Variants in COL7A1 observed in about 807,000 individuals in gnomAD.
COL7A1 encodes collagen type VII alpha 1 chain, also known as collagen alpha-1(VII) chain.
In COL7A1, 296 loss-of-function variants were observed where a neutral mutation model predicts 456.2. That is an observed-to-expected ratio of 0.65 (90% confidence interval 0.59 to 0.71). The LOEUF (loss-of-function observed/expected upper bound fraction) is 0.71, where lower values mean the gene tolerates loss of function less well. COL7A1 is among the 30% of genes least tolerant of loss of function. The pLI is 0.00. For missense variants in COL7A1, 3,441 were observed against 4,017.2 expected, an observed-to-expected ratio of 0.86 and a Z score of 3.88; for synonymous variants, 1,464 against 1,525.9, an observed-to-expected ratio of 0.96 and a Z score of 0.95.
At position 48,568,858 on chromosome 3, in the gene COL7A1, G is replaced by A. The variant is rs903233558; in HGVS notation, c.7687-3C>T. 2 of 1,572,784 alleles carry A rather than the reference G, an allele frequency of 1.3e-6. No homozygotes were observed. The highest frequency in any genetic ancestry group is 1.7e-6 in the Non-Finnish European group (2 of 1,157,678). The stretch of plus-strand genomic sequence containing the variant: ...TCACCAGGCTCTCCCTTGCTGCCCT[G>A]TGGGAGTGACCAGGAGAGGGATTCA... On this transcript the variant is annotated splice_region_variant and splice_polypyrimidine_tract_variant and intron_variant, in intron 103 of 118. Coordinates refer to ENST00000681320, the MANE Select transcript of COL7A1 (RefSeq NM_000094.4). This position sits in a 1 kb window ranked among gnomAD's most constrained non-coding sequence, Gnocchi z 5.2.
In COL7A1 at chr3:48,592,950, G is replaced by T. The variant is rs1170023029; in HGVS notation, c.683-12C>A. 6.2e-7 allele frequency: 1 copy of T among 1,613,336 alleles called. No homozygotes were observed. Among genetic ancestry groups the T allele is most frequent in the Non-Finnish European group, 8.5e-7 (1 of 1,179,904 alleles). On this transcript the variant is annotated splice_polypyrimidine_tract_variant and intron_variant, in intron 6 of 118. Transcript: ENST00000681320. This position sits in a 1 kb window ranked among gnomAD's most constrained non-coding sequence, Gnocchi z 7.6. ...GGTCGAGTCATCCGCTGGGAATGCG[G>T]GATCAGGGGATCAGGCAGGAGGATT...
At position 48,592,623 on chromosome 3, in the gene COL7A1, A is replaced by G. The variant is rs145738101; in HGVS notation, c.923T>C (p.Ile308Thr). The G allele has an allele frequency of 2.6e-4, 419 of 1,613,892 alleles. No homozygotes were observed. The highest frequency in any genetic ancestry group is 3.3e-4 in the Non-Finnish European group (394 of 1,180,034). ...CCCGATGCTGTTGGCGTAGAGGGCA[A>G]TCACAGTCACTTGGTACTCGGTCAG... Reference protein sequence around the residue: ...RPLTEYQVTVIALYANSIGEA... With the variant: ...RPLTEYQVTVTALYANSIGEA... Residue 308 changes from isoleucine to threonine, a missense_variant, in exon 8 of 119, where the codon ATT (isoleucine) becomes ACT (threonine). Around this residue, in one of 3 missense-constraint regions of COL7A1, gnomAD observed 913 missense variants for 1,088.2 expected, o/e 0.84. Transcript: ENST00000681320. The surrounding 1 kb of genome is among the most constrained non-coding windows in gnomAD (Gnocchi z 7.6).
chr3:48,588,147 C>T lies in COL7A1; in HGVS notation c.2710+135G>A. The T allele has an allele frequency of 7.0e-7, 1 of 1,432,062 alleles. No homozygotes were observed. Among genetic ancestry groups the T allele is most frequent in the Non-Finnish European group, 9.6e-7 (1 of 1,045,502 alleles). The allele number at this position is 1,432,062 out of a possible 1,614,324, so 88.7% of individuals were successfully genotyped here. A position where few individuals can be genotyped will look rare whatever the true frequency, so the allele number is the denominator to read the frequency against. ...GATCCCACCCACTTCATTGATTGAT[C>T]TTACCTACTGTCACGGATCCCGCAG... On this transcript the variant is annotated intron_variant, in intron 21 of 118. Transcript: ENST00000681320. This position sits in a 1 kb window ranked among gnomAD's most constrained non-coding sequence, Gnocchi z 4.6.
Position 48,568,702 on chromosome 3 carries a change from C to T in COL7A1, c.7758+82G>A. On this transcript the variant is annotated intron_variant, in intron 104 of 118. Transcript: ENST00000681320. The surrounding 1 kb of genome is among the most constrained non-coding windows in gnomAD (Gnocchi z 5.2). ...AGCAAGGGAGCCAGAACCCCCAGCA[C>T]TTAAGAGGACCCCCAGGATATGTGT... 6.6e-7 allele frequency: 1 copy of T among 1,509,088 alleles called. No individual in the cohort carries two copies. The highest frequency in any genetic ancestry group is 9.0e-7 in the Non-Finnish European group (1 of 1,110,038). 93.5% of individuals were successfully genotyped at this position (1,509,088 alleles called of 1,614,324 possible). A position where few individuals can be genotyped will look rare whatever the true frequency, so the allele number is the denominator to read the frequency against.
Position 48,564,184 on chromosome 3 carries a change from C to T in COL7A1, c.*222G>A. 1 of 619,886 alleles carries T rather than the reference C, an allele frequency of 1.6e-6. No homozygotes were observed. Among genetic ancestry groups the T allele is most frequent in the South Asian group, 1.8e-5 (1 of 56,418 alleles). The allele number at this position is 619,886 out of a possible 1,614,324, so 38.4% of individuals were successfully genotyped here. ...CACATCCGCTCACTGCCCACAGCCA[C>T]CCCCCCACAGTGAGTCATCTGCCAG... On this transcript the variant is annotated 3_prime_UTR_variant, in exon 119 of 119. Transcript: ENST00000681320. This position sits in a 1 kb window ranked among gnomAD's most constrained non-coding sequence, Gnocchi z 6.0.
rs376929936 is a variant in COL7A1 at position 48,565,609 on chromosome 3, A to C, written c.8440+27T>G. 1.4e-4 allele frequency: 234 copies of C among 1,613,976 alleles called. No homozygotes were observed. The highest frequency in any genetic ancestry group is 1.9e-4 in the Non-Finnish European group (226 of 1,180,010). ...GGCAGGGCAGGGCCTGGGGTGAAGAAAGTTCTGGGAGTAGAAAACTACTCA... is the reference window on the plus strand; with the variant it reads ...GGCAGGGCAGGGCCTGGGGTGAAGACAGTTCTGGGAGTAGAAAACTACTCA... On this transcript the variant is annotated intron_variant, in intron 115 of 118. Coordinates refer to ENST00000681320, the MANE Select transcript of COL7A1 (RefSeq NM_000094.4). The surrounding 1 kb of genome is among the most constrained non-coding windows in gnomAD (Gnocchi z 4.5).
Position 48,564,604 on chromosome 3 carries a change from C to T in COL7A1, c.8818+179G>A. ...ATGGAAGGGGACCCTACTGGGGGCT[C>T]CACGGCTGGGGCTCTATATTCAGCT... On this transcript the variant is annotated intron_variant, in intron 118 of 118. Coordinates refer to ENST00000681320, the MANE Select transcript of COL7A1 (RefSeq NM_000094.4). The surrounding 1 kb of genome is among the most constrained non-coding windows in gnomAD (Gnocchi z 6.0). 1 of 1,024,914 alleles carries T rather than the reference C, an allele frequency of 9.8e-7. No homozygotes were observed. The highest frequency in any genetic ancestry group is 1.5e-6 in the Non-Finnish European group (1 of 686,856). 63.5% of individuals were successfully genotyped at this position (1,024,914 alleles called of 1,614,324 possible). A position where few individuals can be genotyped will look rare whatever the true frequency, so the allele number is the denominator to read the frequency against.
At chr3:48,582,427 A>G in intron 46 of COL7A1, 51 bp downstream of exon 46, 1 of 1,614,106 alleles carries the variant, frequency 6.2e-7, no homozygotes, top group Non-Finnish European at 8.5e-7. Flanking sequence ...CCAGTGTCCC[A>G]TCTGCCACAT....
chr3:48,579,770 C>T lies in COL7A1; in HGVS notation c.5154+15G>A, dbSNP rs1161374808. 2 of 1,614,074 alleles carry T rather than the reference C, an allele frequency of 1.2e-6. No individual in the cohort carries two copies. The highest frequency in any genetic ancestry group is 1.7e-6 in the Non-Finnish European group (2 of 1,180,030). On this transcript the variant is annotated intron_variant, in intron 58 of 118. Coordinates refer to ENST00000681320, the MANE Select transcript of COL7A1 (RefSeq NM_000094.4). This position sits in a 1 kb window ranked among gnomAD's most constrained non-coding sequence, Gnocchi z 4.4. ...ACTGGGGTCTTTCTTACCCTCCACC[C>T]ACAGACCCTAATACCTTCTCTCTGG...
chr3:48,593,681 C>T lies in COL7A1; in HGVS notation c.282G>A (p.Leu94=), dbSNP rs778958806. 1.9e-6 allele frequency: 3 copies of T among 1,614,222 alleles called. No homozygotes were observed. Among genetic ancestry groups the T allele is most frequent in the South Asian group, 2.2e-5 (2 of 91,088 alleles). Residue 94 remains leucine (L), a synonymous_variant, in exon 4 of 119, where the codon CTG becomes CTA. Transcript: ENST00000681320. This position sits in a 1 kb window ranked among gnomAD's most constrained non-coding sequence, Gnocchi z 4.4. ...YSDDPRTEFG[L]DALGSGGDVI... is the part of the protein sequence containing the mutation. ...CATCACCCCCAGAGCCAAGTGCATCCAGGCCGAACTCTGTCCTGTTGGAGG... is the reference window on the plus strand; with the variant it reads ...CATCACCCCCAGAGCCAAGTGCATCTAGGCCGAACTCTGTCCTGTTGGAGG...
Position 48,582,905 on chromosome 3 carries a change from T to C in COL7A1, c.4518+108A>G, listed in dbSNP as rs115003244. 6.0e-4 allele frequency: 912 copies of C among 1,514,906 alleles called. 4 individuals are homozygous for C. In the African/African-American group the frequency reaches 0.011, roughly 19 times the overall value. 93.8% of individuals were successfully genotyped at this position (1,514,906 alleles called of 1,614,324 possible). ...CTGTATCAGCAGGGATAAGTGGTCA[T>C]TGAGGAGGGGTGAGGAGCAGGGGTA... On this transcript the variant is annotated intron_variant, in intron 44 of 118. Coordinates refer to ENST00000681320, the MANE Select transcript of COL7A1 (RefSeq NM_000094.4).
chr3:48,570,267 ATACG>A lies in COL7A1; in HGVS notation c.7440+4_7440+7del. 1 of 1,613,418 alleles carries A rather than the reference ATACG, an allele frequency of 6.2e-7. No individual in the cohort carries two copies. The highest frequency in any genetic ancestry group is 8.5e-7 in the Non-Finnish European group (1 of 1,179,810). On this transcript the variant is annotated splice_donor_5th_base_variant and intron_variant, in intron 98 of 118. Coordinates refer to ENST00000681320, the MANE Select transcript of COL7A1 (RefSeq NM_000094.4). The surrounding 1 kb of genome is among the most constrained non-coding windows in gnomAD (Gnocchi z 5.5). ...AGGGAGTTCGGCTGTGGAGTAAGACATACGTACCCGGATGCCTGGCTCCCCACGC... is the reference window on the plus strand; with the variant it reads ...AGGGAGTTCGGCTGTGGAGTAAGACATACCCGGATGCCTGGCTCCCCACGC...
Position 48,575,925 on chromosome 3 carries a change from G to A in COL7A1, c.5821-23C>T. On this transcript the variant is annotated intron_variant, in intron 71 of 118. Transcript: ENST00000681320. The surrounding 1 kb of genome is among the most constrained non-coding windows in gnomAD (Gnocchi z 6.3). ...ATTCTGGGGACAAAGTCTGGGTGAAGGGCTGCCCATGACAGAGAAGCTCCT... is the reference window on the plus strand; with the variant it reads ...ATTCTGGGGACAAAGTCTGGGTGAAAGGCTGCCCATGACAGAGAAGCTCCT... 1 of 1,614,152 alleles carries A rather than the reference G, an allele frequency of 6.2e-7. No homozygotes were observed.
In COL7A1 at chr3:48,590,464, C is replaced by T. The variant is rs749222993; in HGVS notation, c.1901G>A (p.Gly634Asp). The change falls in exon 15 of 119, where the codon GGC (glycine) becomes GAC (aspartate). Residue 634 changes from glycine (G) to aspartate (D), a missense_variant. Physicochemically the swap from Gly to Asp is moderately conservative, Grantham distance 94. Around this residue, in one of 3 missense-constraint regions of COL7A1, gnomAD observed 913 missense variants for 1,088.2 expected, o/e 0.84. Transcript: ENST00000681320. This position sits in a 1 kb window ranked among gnomAD's most constrained non-coding sequence, Gnocchi z 4.6. The part of the protein sequence containing the change: ...ASGFRISWST[G>D]SGPESSQTLP... ...CCCACACACCCCACACTGACCACTG[C>T]CTGTGCTCCAGCTAATCCGAAATCC... The T allele has an allele frequency of 6.2e-7, 1 of 1,614,168 alleles. No individual in the cohort carries two copies. The highest frequency in any genetic ancestry group is 8.5e-7 in the Non-Finnish European group (1 of 1,180,030).
chr3:48,574,511 G>A lies in COL7A1; in HGVS notation c.6433C>T (p.Pro2145Ser), dbSNP rs761983104. The A allele has an allele frequency of 4.3e-6, 7 of 1,614,060 alleles. No individual in the cohort carries two copies. In the Admixed American group the frequency reaches 5.0e-5, roughly 12 times the overall value. The change falls in exon 79 of 119, where the codon CCG (proline) becomes TCG (serine). Residue 2145 changes from proline to serine, a missense_variant. Transcript: ENST00000681320. The surrounding 1 kb of genome is among the most constrained non-coding windows in gnomAD (Gnocchi z 5.0). ...ACCGGGTTGCCGTCCTGACCCCTCG[G>A]TCCAGGCTCTCCCCGGTCTCCTTTG... ...GIKGDRGEPGPRGQDGNPGLP... is the reference protein window; with the variant it reads ...GIKGDRGEPGSRGQDGNPGLP...
rs770062578 is a variant in COL7A1 at position 48,587,042 on chromosome 3, G to A, written c.3206C>T (p.Ala1069Val). 47 of 1,607,932 alleles carry A rather than the reference G, an allele frequency of 2.9e-5. No individual in the cohort carries two copies. The highest frequency in any genetic ancestry group is 8.0e-5 in the African/African-American group (6 of 74,906). The change falls in exon 25 of 119, where the codon GCG (alanine) becomes GTG (valine). Residue 1069 changes from alanine (A) to valine (V), a missense_variant. This residue lies in a region of COL7A1 where 444 missense variants were observed against 427.6 expected (regional missense o/e 1.04). Transcript: ENST00000681320. This position sits in a 1 kb window ranked among gnomAD's most constrained non-coding sequence, Gnocchi z 6.1. The stretch of plus-strand genomic sequence containing the variant: ...CTCCAGGACCCTCCTCGTAGCCTCC[G>A]CACGGTGAGCATTGTCTTGAGTGGC... The part of the protein sequence containing the change: ...PHATQDNAHR[A>V]EATRRVLERL...
rs2043976938 is a variant in COL7A1 at position 48,572,254 on chromosome 3, A to C, written c.6979-83T>G. The C allele has an allele frequency of 1.2e-6, 2 of 1,611,558 alleles. No individual in the cohort carries two copies. The highest frequency in any genetic ancestry group is 1.7e-6 in the Non-Finnish European group (2 of 1,177,758). On this transcript the variant is annotated intron_variant, in intron 90 of 118. Transcript: ENST00000681320. The surrounding 1 kb of genome is among the most constrained non-coding windows in gnomAD (Gnocchi z 4.6). ...GAGGGAGGCATGGGGCCAGAGCTTA[A>C]ATATGCGGTCTACTATGAAAGCTGA...
Position 48,568,368 on chromosome 3 carries a change from C to A in COL7A1, c.7794+131G>T. ...GCGGCTACTGTGGAGGTGGGGGACC[C>A]TGGGTGACATGAGGACACCATGAGA... is the stretch of plus-strand genomic sequence containing the variant. On this transcript the variant is annotated intron_variant, in intron 105 of 118. Transcript: ENST00000681320. The surrounding 1 kb of genome is among the most constrained non-coding windows in gnomAD (Gnocchi z 5.2). The A allele has an allele frequency of 9.1e-7, 1 of 1,102,888 alleles. No individual in the cohort carries two copies. The highest frequency in any genetic ancestry group is 1.3e-6 in the Non-Finnish European group (1 of 744,684). 68.3% of individuals were successfully genotyped at this position (1,102,888 alleles called of 1,614,324 possible).
rs774502545 is a variant in COL7A1, at chr3:48,589,705, T to C, written c.2064A>G (p.Pro688=). 6.2e-7 allele frequency: 1 copy of C among 1,613,888 alleles called. No homozygotes were observed. Among genetic ancestry groups the C allele is most frequent in the East Asian group, 2.2e-5 (1 of 44,888 alleles). ...VIVARTDPLG[P]VRTVHVTQAS... is the part of the protein sequence containing the mutation. ...CCTGAGTCACATGGACCGTCCTCACTGGGCCCAGTGGGTCTAGTGGGGAGA... is the reference window on the plus strand; with the variant it reads ...CCTGAGTCACATGGACCGTCCTCACCGGGCCCAGTGGGTCTAGTGGGGAGA... The change falls in exon 17 of 119, where the codon CCA becomes CCG. Residue 688 remains proline (P), a synonymous_variant. Transcript: ENST00000681320.
Sources: allele counts gnomAD v4.1 joint callset, GRCh38; gene constraint gnomAD v4.1.1; regional missense constraint gnomAD v4.1.1; non-coding constraint Gnocchi (gnomAD v3.1); transcripts MANE v1.5; gene names NCBI Gene and HGNC (gene_info 2026-07-23, HGNC 2026-07-21).